The following ATXN1L variants were observed in gnomAD, a reference collection of about 807,000 sequenced individuals.
ATXN1L encodes the protein ataxin 1 like.
Under a neutral mutation model 43.4 loss-of-function variants are expected in ATXN1L, and 8 were observed. That is an observed-to-expected ratio of 0.18 (90% CI 0.11 to 0.33). The LOEUF is 0.33. Among genes scored for constraint, ATXN1L ranks in the 10% least tolerant of loss-of-function variants. The pLI, the probability that ATXN1L is intolerant of heterozygous loss-of-function variation, is 1.00. For synonymous variants in ATXN1L, 379 were observed against 360.6 expected (o/e 1.05, Z -0.58); for missense variants, 856 against 885.4 (o/e 0.97, Z 0.42).
Position 71,855,693 on chromosome 16 carries a change from G to C in ATXN1L, c.*3883G>C, listed in dbSNP as rs751748393. The C allele has an allele frequency of 6.0e-6, 1 of 167,050 alleles. No individual in the cohort carries two copies. The highest frequency in any genetic ancestry group is 6.6e-5 in the Admixed American group (1 of 15,264). The allele number at this position is 167,050 out of a possible 1,614,324, so 10.3% of individuals were successfully genotyped here. On this transcript the variant is annotated 3_prime_UTR_variant, in exon 3 of 3. Coordinates refer to ENST00000427980, the MANE Select transcript of ATXN1L (RefSeq NM_001137675.4). ...CCATTGGAGTAAAGATAACCTAGTC[G>C]ATTGAATTGGCCATGGGAAGTTAGG...
chr16:71,853,847 T>C lies in ATXN1L; in HGVS notation c.*2037T>C, dbSNP rs993123394. ...TCAAAGGAGGTTGCTGACCTGACCG[T>C]GAGTGCTTCAGTATCTGGTTTGTGT... is the stretch of plus-strand genomic sequence containing the variant. On this transcript the variant is annotated 3_prime_UTR_variant, in exon 3 of 3. Coordinates refer to ENST00000427980, the MANE Select transcript of ATXN1L (RefSeq NM_001137675.4). 1.8e-5 allele frequency: 3 copies of C among 167,088 alleles called. No individual in the cohort carries two copies. The highest frequency in any genetic ancestry group is 6.5e-5 in the Admixed American group (1 of 15,282). 10.4% of individuals were successfully genotyped at this position (167,088 alleles called of 1,614,324 possible).
chr16:71,855,598 T>C lies in ATXN1L; in HGVS notation c.*3788T>C, dbSNP rs1000902221. The C allele has an allele frequency of 6.0e-6, 1 of 167,088 alleles. No homozygotes were observed. Among genetic ancestry groups the C allele is most frequent in the African/African-American group, 2.4e-5 (1 of 41,416 alleles). The allele number at this position is 167,088 out of a possible 1,614,324, so 10.4% of individuals were successfully genotyped here. ...GGTTTAAACCTGCAGCAAGCAGGCATGTTGAAGAGTTGAGTGATCACGCTG... is the reference window on the plus strand; with the variant it reads ...GGTTTAAACCTGCAGCAAGCAGGCACGTTGAAGAGTTGAGTGATCACGCTG... On this transcript the variant is annotated 3_prime_UTR_variant, in exon 3 of 3. Coordinates refer to ENST00000427980, the MANE Select transcript of ATXN1L (RefSeq NM_001137675.4).
Position 71,857,148 on chromosome 16 carries a change from T to C in ATXN1L, c.*5338T>C, listed in dbSNP as rs926982033. The C allele has an allele frequency of 1.8e-5, 3 of 167,024 alleles. No individual in the cohort carries two copies. The highest frequency in any genetic ancestry group is 7.2e-5 in the African/African-American group (3 of 41,466). The allele number at this position is 167,024 out of a possible 1,614,324, so 10.3% of individuals were successfully genotyped here. ...AATTTGTACTGTATATTTGTACTTT[T>C]GTGAGATCCTTTTTGCTGTTTTACC... On this transcript the variant is annotated 3_prime_UTR_variant, in exon 3 of 3. Coordinates refer to ENST00000427980, the MANE Select transcript of ATXN1L (RefSeq NM_001137675.4).
rs1247759908 is a variant in ATXN1L, at chr16:71,852,786, T to C, written c.*976T>C. 6.0e-6 allele frequency: 1 copy of C among 167,324 alleles called. No homozygotes were observed. The allele number at this position is 167,324 out of a possible 1,614,324, so 10.4% of individuals were successfully genotyped here. On this transcript the variant is annotated 3_prime_UTR_variant, in exon 3 of 3. Transcript: ENST00000427980. ...CCCACCCTCCTGCTGCGCTGACCGCTGCATGGTGTCGTGACCTGGGCCTCA... is the reference window on the plus strand; with the variant it reads ...CCCACCCTCCTGCTGCGCTGACCGCCGCATGGTGTCGTGACCTGGGCCTCA...
At chr16:71,847,565 A>C (rs1295901405) in intron 1 of ATXN1L, among the ~76,000 whole-genome samples, 1 of 151,792 alleles carries the variant, frequency 6.6e-6, no homozygotes, top group Non-Finnish European at 1.5e-5. Context: ...CATTTAAATA[A>C]CTCCACATTT....
chr16:71,850,522 C>G lies in ATXN1L; in HGVS notation c.782C>G (p.Ser261Cys), dbSNP rs2033489377. The G allele has an allele frequency of 6.4e-7, 1 of 1,551,736 alleles. No homozygotes were observed. Among genetic ancestry groups the G allele is most frequent in the Non-Finnish European group, 8.7e-7 (1 of 1,147,008 alleles). ...GTTCTTACCCCTCAGGAGAGCCAGT[C>G]TGCTCTGGAAGCAGCTGCTGCAAAT... The part of the protein sequence containing the change: ...SPVLTPQESQ[S>C]ALEAAAANGG... The change falls in exon 3 of 3, where the codon TCT (serine) becomes TGT (cysteine). Residue 261 changes from serine (S) to cysteine (C), a missense_variant. Ser to Cys is a moderately radical substitution (Grantham distance 112). Coordinates refer to ENST00000427980, the MANE Select transcript of ATXN1L (RefSeq NM_001137675.4).
Position 71,850,586 on chromosome 16 carries a change from G to T in ATXN1L, c.846G>T (p.Arg282=), listed in dbSNP as rs767085819. ...CACGAGAGCGAAATTTAGTAAGACG[G>T]GAAAGTGAAGCCCTTGACTCCCCCA... The part of the protein sequence containing the change: ...QRPRERNLVR[R]ESEALDSPNS... The change falls in exon 3 of 3, where the codon CGG becomes CGT. Residue 282 remains arginine, a synonymous_variant. Coordinates refer to ENST00000427980, the MANE Select transcript of ATXN1L (RefSeq NM_001137675.4). 6.4e-7 allele frequency: 1 copy of T among 1,551,732 alleles called. No homozygotes were observed. The highest frequency in any genetic ancestry group is 1.2e-5 in the South Asian group (1 of 84,064).
intron 1 of ATXN1L, among the ~76,000 whole-genome samples, chr16:71,846,631 C>T (rs1038274194): frequency 6.6e-6 from 1 of 152,224 alleles, no homozygotes; most frequent in African/African-American, 2.4e-5. Context: ...GTTCCGGGCT[C>T]TGCTAGCAGC....
At position 71,851,774 on chromosome 16, in the gene ATXN1L, G is replaced by A. The variant is rs1350376284; in HGVS notation, c.2034G>A (p.Lys678=). 1 of 1,443,570 alleles carries A rather than the reference G, an allele frequency of 6.9e-7. No homozygotes were observed. Among genetic ancestry groups the A allele is most frequent in the Admixed American group, 2.9e-5 (1 of 34,882 alleles). The allele number at this position is 1,443,570 out of a possible 1,614,324, so 89.4% of individuals were successfully genotyped here. The change falls in exon 3 of 3, where the codon AAG becomes AAA. Residue 678 remains lysine (K), a synonymous_variant. Transcript: ENST00000427980. The surrounding 1 kb of genome is among the most constrained non-coding windows in gnomAD (Gnocchi z 4.9). The part of the protein sequence containing the change: ...LRPSFIPQEV[K]LSIEGRSNAG... ...CCTCTTTCATTCCACAGGAGGTAAA[G>A]CTGTCCATTGAAGGGCGTTCCAATG...
Position 71,849,805 on chromosome 16 carries a change from C to A in ATXN1L, c.65C>A (p.Thr22Asn). The change falls in exon 3 of 3, where the codon ACC becomes AAC. Residue 22 changes from threonine to asparagine, a missense_variant. Physicochemically the swap from Thr to Asn is moderately conservative, Grantham distance 65. Coordinates refer to ENST00000427980, the MANE Select transcript of ATXN1L (RefSeq NM_001137675.4). ...LPPKKRDLPV[T>N]SEDMGRTTSC... Reference sequence around the variant, plus strand: ...CCAAAGAAACGAGACCTCCCCGTGACCAGCGAGGATATGGGGAGAACTACC... The same window carrying A: ...CCAAAGAAACGAGACCTCCCCGTGAACAGCGAGGATATGGGGAGAACTACC... The A allele has an allele frequency of 6.5e-7, 1 of 1,549,032 alleles. No individual in the cohort carries two copies. The highest frequency in any genetic ancestry group is 8.7e-7 in the Non-Finnish European group (1 of 1,145,550).
At position 71,851,782 on chromosome 16, in the gene ATXN1L, T is replaced by C; in HGVS notation, c.2042T>C (p.Ile681Thr). The change falls in exon 3 of 3, where the codon ATT becomes ACT. Residue 681 changes from isoleucine (I) to threonine (T), a missense_variant. Physicochemically the swap from Ile to Thr is moderately conservative, Grantham distance 89. Around this residue, in one of 7 missense-constraint regions of ATXN1L, gnomAD observed 185 missense variants for 176.8 expected, o/e 1.05. Coordinates refer to ENST00000427980, the MANE Select transcript of ATXN1L (RefSeq NM_001137675.4). This position sits in a 1 kb window ranked among gnomAD's most constrained non-coding sequence, Gnocchi z 4.9. ...ATTCCACAGGAGGTAAAGCTGTCCATTGAAGGGCGTTCCAATGCGGGAAAA... is the reference window on the plus strand; with the variant it reads ...ATTCCACAGGAGGTAAAGCTGTCCACTGAAGGGCGTTCCAATGCGGGAAAA... Reference protein sequence around the residue: ...SFIPQEVKLSIEGRSNAGK With the variant: ...SFIPQEVKLSTEGRSNAGK The C allele has an allele frequency of 2.1e-6, 3 of 1,437,048 alleles. No homozygotes were observed. Among genetic ancestry groups the C allele is most frequent in the East Asian group, 2.5e-5 (1 of 39,564 alleles). The allele number at this position is 1,437,048 out of a possible 1,614,324, so 89.0% of individuals were successfully genotyped here.
chr16:71,848,514 C>T (rs1027046070), intron 2 of ATXN1L: 3 of 154,874 alleles, frequency 1.9e-5, no homozygotes, highest in Admixed American at 6.5e-5. Context: ...ACTAGGGAAC[C>T]GGAAGTGTAC....
chr16:71,850,615 G>A lies in ATXN1L; in HGVS notation c.875G>A (p.Ser292Asn), dbSNP rs1479437587. ...RESEALDSPNSKGEGQGLVPV... is the reference protein window; with the variant it reads ...RESEALDSPNNKGEGQGLVPV... ...AGTGAAGCCCTTGACTCCCCCAACAGCAAGGGTGAAGGCCAGGGACTGGTG... is the reference window on the plus strand; with the variant it reads ...AGTGAAGCCCTTGACTCCCCCAACAACAAGGGTGAAGGCCAGGGACTGGTG... The change falls in exon 3 of 3, where the codon AGC becomes AAC. Residue 292 changes from serine (S) to asparagine (N), a missense_variant. By Grantham distance (46) the Ser-to-Asn change is conservative. Around this residue, in one of 7 missense-constraint regions of ATXN1L, gnomAD observed 490 missense variants for 449.4 expected, o/e 1.09. Coordinates refer to ENST00000427980, the MANE Select transcript of ATXN1L (RefSeq NM_001137675.4). 1 of 1,551,750 alleles carries A rather than the reference G, an allele frequency of 6.4e-7. No individual in the cohort carries two copies. The highest frequency in any genetic ancestry group is 2.0e-5 in the Admixed American group (1 of 50,998).
Position 71,851,874 on chromosome 16 carries a change from C to T in ATXN1L, c.*64C>T. On this transcript the variant is annotated 3_prime_UTR_variant, in exon 3 of 3. Transcript: ENST00000427980. The surrounding 1 kb of genome is among the most constrained non-coding windows in gnomAD (Gnocchi z 4.9). ...GCCTCGCCTCGCCGCCGTGAGCAGG[C>T]AGAGGATTTGCACACGCCGAGCAGG... 4 of 1,376,960 alleles carry T rather than the reference C, an allele frequency of 2.9e-6. No homozygotes were observed. Among genetic ancestry groups the T allele is most frequent in the South Asian group, 4.1e-5 (2 of 49,110 alleles). The allele number at this position is 1,376,960 out of a possible 1,614,324, so 85.3% of individuals were successfully genotyped here.
At position 71,852,858 on chromosome 16, in the gene ATXN1L, A is replaced by G. The variant is rs561821563; in HGVS notation, c.*1048A>G. On this transcript the variant is annotated 3_prime_UTR_variant, in exon 3 of 3. Coordinates refer to ENST00000427980, the MANE Select transcript of ATXN1L (RefSeq NM_001137675.4). ...CTTGTCTGCAAAGTTGGTTTTGTCCACTCTGACCAAGACCTCTAGTTTTTG... is the reference window on the plus strand; with the variant it reads ...CTTGTCTGCAAAGTTGGTTTTGTCCGCTCTGACCAAGACCTCTAGTTTTTG... 163 of 167,046 alleles carry G rather than the reference A, an allele frequency of 9.8e-4. 1 individual carries two copies. The highest frequency in any genetic ancestry group is 1.8e-3 in the Non-Finnish European group (124 of 68,170). The allele number at this position is 167,046 out of a possible 1,614,324, so 10.3% of individuals were successfully genotyped here. A position where few individuals can be genotyped will look rare whatever the true frequency, so the allele number is the denominator to read the frequency against.
At position 71,854,776 on chromosome 16, in the gene ATXN1L, G is replaced by GGA. The variant is rs1464131740; in HGVS notation, c.*2967_*2968dup. 6.0e-6 allele frequency: 1 copy of GGA among 167,034 alleles called. No individual in the cohort carries two copies. The highest frequency in any genetic ancestry group is 1.5e-5 in the Non-Finnish European group (1 of 68,126). The allele number at this position is 167,034 out of a possible 1,614,324, so 10.3% of individuals were successfully genotyped here. ...TTCCAGCTCTTAGGAATAGAAAGGA[G>GGA]GACTGCTGACTGTCTGGCGCTGTAT... On this transcript the variant is annotated 3_prime_UTR_variant, in exon 3 of 3. Transcript: ENST00000427980.
Position 71,850,268 on chromosome 16 carries a change from A to C in ATXN1L, c.528A>C (p.Pro176=), listed in dbSNP as rs1328787884. The C allele has an allele frequency of 1.3e-6, 2 of 1,551,476 alleles. No individual in the cohort carries two copies. The highest frequency in any genetic ancestry group is 2.7e-5 in the African/African-American group (2 of 73,078). The change falls in exon 3 of 3, where the codon CCA becomes CCC. Residue 176 remains proline, a synonymous_variant. Coordinates refer to ENST00000427980, the MANE Select transcript of ATXN1L (RefSeq NM_001137675.4). ...CCTCTCACCTTCCACACTTTGTGCC[A>C]TATGCCTCACTTCTGGCTGAAGGAG... ...LATSHLPHFV[P]YASLLAEGAT... is the part of the protein sequence containing the mutation.
rs2033490311 is a variant in ATXN1L at position 71,850,590 on chromosome 16, A to G, written c.850A>G (p.Ser284Gly). ...AGAGCGAAATTTAGTAAGACGGGAA[A>G]GTGAAGCCCTTGACTCCCCCAACAG... ...PRERNLVRRE[S>G]EALDSPNSKG... Residue 284 changes from serine (S) to glycine (G), a missense_variant, in exon 3 of 3, where the codon AGT (serine) becomes GGT (glycine). Coordinates refer to ENST00000427980, the MANE Select transcript of ATXN1L (RefSeq NM_001137675.4). The G allele has an allele frequency of 6.4e-7, 1 of 1,551,716 alleles. No individual in the cohort carries two copies. The highest frequency in any genetic ancestry group is 1.2e-5 in the South Asian group (1 of 84,068).
In ATXN1L at chr16:71,851,656, A is replaced by T. The variant is rs2033504570; in HGVS notation, c.1916A>T (p.Gln639Leu). The T allele has an allele frequency of 6.6e-7, 1 of 1,520,366 alleles. No individual in the cohort carries two copies. The highest frequency in any genetic ancestry group is 1.4e-5 in the African/African-American group (1 of 71,918). The allele number at this position is 1,520,366 out of a possible 1,614,324, so 94.2% of individuals were successfully genotyped here. A position where few individuals can be genotyped will look rare whatever the true frequency, so the allele number is the denominator to read the frequency against. Residue 639 changes from glutamine to leucine, a missense_variant, in exon 3 of 3, where the codon CAG becomes CTG. Transcript: ENST00000427980. The surrounding 1 kb of genome is among the most constrained non-coding windows in gnomAD (Gnocchi z 4.9). ...GGCTCCCGTGTGGTAGAGCCTTCCC[A>T]GCCTGAGTCCGGTGCTCAGGCCTGC... The part of the protein sequence containing the change: ...GEGSRVVEPS[Q>L]PESGAQACWP...
Sources: gnomAD v4.1 joint callset for allele counts (sites outside exome capture counted in the v4.1 genomes callset) on GRCh38, gnomAD v4.1.1 for gene constraint, gnomAD v4.1.1 regional missense constraint, Gnocchi (gnomAD v3.1) non-coding constraint, MANE v1.5 for transcripts, NCBI Gene and HGNC (gene_info 2026-07-23, HGNC 2026-07-21) for gene names.